Variants in ELSPBP1 observed in about 807,000 individuals in gnomAD.
ELSPBP1 encodes epididymal sperm binding protein 1.
Under a neutral mutation model 33.3 loss-of-function variants are expected in ELSPBP1, and 38 were observed. That is an observed-to-expected ratio of 1.14 (90% CI 0.88 to 1.50). The LOEUF (loss-of-function observed/expected upper bound fraction) is 1.50. Ranked by LOEUF, ELSPBP1 falls within the 40% of genes most tolerant of loss-of-function variation. ELSPBP1 has a pLI of 0.00. For missense variants in ELSPBP1, 267 were observed against 263.5 expected (o/e 1.01, Z -0.09); for synonymous variants, 85 against 94.1 (o/e 0.90, Z 0.56).
rs1432049169 is a variant in ELSPBP1, at chr19:48,011,502, A to C, written c.71-2669A>C. Among the ~76,000 whole-genome samples, 1 of 151,826 alleles carries C rather than the reference A, an allele frequency of 6.6e-6. No individual in the cohort carries two copies. Among genetic ancestry groups the C allele is most frequent in the Non-Finnish European group, 1.5e-5 (1 of 67,960 alleles). ...TTGATGATAATGACAATGACTGATA[A>C]TGATGATGACAATGATGATGACAAT... On this transcript the variant is annotated intron_variant, in intron 2 of 6. Coordinates refer to ENST00000339841, the MANE Select transcript of ELSPBP1 (RefSeq NM_022142.5). The surrounding 1 kb of genome is among the most constrained non-coding windows in gnomAD (Gnocchi z 4.5).
chr19:48,009,541 A>G (rs549266621), intron 2 of ELSPBP1, among the ~76,000 whole-genome samples: 5 of 152,318 alleles, frequency 3.3e-5, no homozygotes, highest in Admixed American at 1.3e-4. Flanking sequence ...CATTCTTCAC[A>G]ATTAGAATCC....
chr19:48,015,107 A>G (rs778542567), intron 3 of ELSPBP1, among the ~76,000 whole-genome samples: 1 of 152,216 alleles, frequency 6.6e-6, no homozygotes, highest in Non-Finnish European at 1.5e-5. Context: ...TGTATTATAT[A>G]CCGTATCTCA....
At chr19:48,021,642 G>GT (rs572658233) in intron 5 of ELSPBP1, among the ~76,000 whole-genome samples, 301 of 151,838 alleles carry the variant, frequency 2.0e-3, no homozygotes, top group African/African-American at 6.5e-3. Context: ...TAGAGATGGG[G>GT]TTTCACCACG....
intron 4 of ELSPBP1, among the ~76,000 whole-genome samples, chr19:48,016,455 C>CTTT (rs547353510): frequency 8.2e-6 from 1 of 122,456 alleles, no homozygotes; most frequent in African/African-American, 3.3e-5. Context: ...TTTTCTCTTT[C>CTTT]TTTTCTTTCC....
At chr19:48,016,792 T>C (rs534487074) in intron 4 of ELSPBP1, among the ~76,000 whole-genome samples, 4 of 151,588 alleles carry the variant, frequency 2.6e-5, no homozygotes, top group Non-Finnish European at 5.9e-5. Context: ...AGGCACGGGG[T>C]TTCACCATGT....
At chr19:48,010,376 C>A (rs1967064308) in intron 2 of ELSPBP1, among the ~76,000 whole-genome samples, 1 of 152,168 alleles carries the variant, frequency 6.6e-6, no homozygotes, top group African/African-American at 2.4e-5. Context: ...ATTCCAAGTT[C>A]CCTTTGCGTG....
chr19:48,022,083 A>G, intron 5 of ELSPBP1, 87 bp from the exon 6 acceptor site: 1 of 1,292,200 alleles, frequency 7.7e-7, no homozygotes. Flanking sequence ...CCCCAATTTG[A>G]AATCTAGGGT....
chr19:48,021,641 G>T (rs1967201436), intron 5 of ELSPBP1, among the ~76,000 whole-genome samples: 1 of 151,764 alleles, frequency 6.6e-6, no homozygotes, highest in Admixed American at 6.6e-5. Context: ...GTAGAGATGG[G>T]GTTTCACCAC....
intron 2 of ELSPBP1, 96 bp downstream of exon 2, chr19:48,008,833 C>A: frequency 2.7e-6 from 3 of 1,124,426 alleles, no homozygotes; most frequent in Non-Finnish European, 3.9e-6. Context: ...CAGGAGATGG[C>A]TTAGCAAAAA....
chr19:48,023,013 C>T lies in ELSPBP1; in HGVS notation c.*7+679C>T, dbSNP rs181806597. On this transcript the variant is annotated intron_variant, in intron 6 of 6. Transcript: ENST00000339841. ...GAGCTATGATTACACCACTGTACCC[C>T]AGCCTGGGGAACAGAGTGAGACCTT... 3.3e-5 allele frequency among the ~76,000 whole-genome samples: 5 copies of T among 151,950 alleles called. No individual in the cohort carries two copies. In the East Asian group the frequency reaches 9.7e-4, roughly 30 times the overall value.
intron 1 of ELSPBP1, among the ~76,000 whole-genome samples, chr19:48,002,368 A>T (rs2122293820): frequency 6.6e-6 from 1 of 152,334 alleles, no homozygotes; most frequent in South Asian, 2.1e-4. Context: ...GAGGTTAATG[A>T]ACCAATTAAG....
At chr19:47,999,231 G>A (rs1373583310) in intron 1 of ELSPBP1, among the ~76,000 whole-genome samples, 3 of 151,926 alleles carry the variant, frequency 2.0e-5, no homozygotes, top group Non-Finnish European at 4.4e-5. Flanking sequence ...AATGATTTTG[G>A]TTTTGGTTAC....
chr19:48,024,741 T>G (rs762123621), intron 6 of ELSPBP1, among the ~76,000 whole-genome samples: 1 of 152,112 alleles, frequency 6.6e-6, no homozygotes, highest in Non-Finnish European at 1.5e-5. Flanking sequence ...CCCCTTAGCA[T>G]AGAGGTGAGA....
At chr19:48,018,402 T>G (rs974470744) in intron 4 of ELSPBP1, among the ~76,000 whole-genome samples, 1 of 112,720 alleles carries the variant, frequency 8.9e-6, no homozygotes, top group African/African-American at 2.8e-5. Flanking sequence ...TCTGAGACAC[T>G]AGGCAAAAAA....
intron 4 of ELSPBP1, 92 bp from the exon 5 acceptor site, chr19:48,019,627 T>C (rs1967177149): frequency 1.6e-6 from 2 of 1,274,142 alleles, no homozygotes; most frequent in Non-Finnish European, 1.1e-6. Context: ...TTGCCTTTAA[T>C]GGGATAAAGC....
At chr19:48,000,714 C>T (rs1375534254) in intron 1 of ELSPBP1, among the ~76,000 whole-genome samples, 4 of 152,258 alleles carry the variant, frequency 2.6e-5, no homozygotes, top group East Asian at 1.9e-4. Flanking sequence ...CCGAGCTGTG[C>T]GTGTGTCCAT....
chr19:48,023,956 T>C (rs1347430787), intron 6 of ELSPBP1, among the ~76,000 whole-genome samples: 1 of 151,956 alleles, frequency 6.6e-6, no homozygotes, highest in Non-Finnish European at 1.5e-5. Flanking sequence ...CTGCAGCCTC[T>C]GCCTCCTGGG....
chr19:48,023,380 AG>A (rs1967226069), intron 6 of ELSPBP1, among the ~76,000 whole-genome samples: 2 of 51,030 alleles, frequency 3.9e-5, no homozygotes, highest in Non-Finnish European at 7.5e-5. Context: ...AAGAGAGGAA[AG>A]GAGGGAGGAG....
At position 48,014,308 on chromosome 19, in the gene ELSPBP1, G is replaced by A. The variant is rs188923874; in HGVS notation, c.208G>A (p.Asp70Asn). Residue 70 changes from aspartate (D) to asparagine (N), a missense_variant and splice_region_variant, in exon 3 of 7, where the codon GAT (aspartate) becomes AAT (asparagine). Transcript: ENST00000339841. ...NGQWKYCQSE[D>N]YPRCIFPFIY... The stretch of plus-strand genomic sequence containing the variant: ...CCAGTGGAAGTACTGCCAGAGTGAA[G>A]GTGAGTGGTATCACATTGTCCCTGC... The A allele has an allele frequency of 6.2e-7, 1 of 1,613,404 alleles. No homozygotes were observed. The highest frequency in any genetic ancestry group is 1.3e-5 in the African/African-American group (1 of 75,048).
Sources: allele counts gnomAD v4.1 joint callset (sites outside exome capture counted in the v4.1 genomes callset), GRCh38; gene constraint gnomAD v4.1.1; non-coding constraint Gnocchi (gnomAD v3.1); transcripts MANE v1.5; gene names NCBI Gene and HGNC (gene_info 2026-07-23, HGNC 2026-07-21).